Variants in PPA1 observed in about 807,000 individuals in gnomAD.
PPA1 encodes inorganic pyrophosphatase 1.
In PPA1, 23 loss-of-function variants were observed where a neutral mutation model predicts 41.8. The ratio of observed to expected loss-of-function variants is 0.55; its 90% CI spans 0.40 to 0.78. The LOEUF (loss-of-function observed/expected upper bound fraction) is 0.78, where lower values mean the gene tolerates loss of function less well. Among genes scored for constraint, PPA1 ranks in the 30% least tolerant of loss-of-function variants. The pLI is 0.00. For missense variants in PPA1, 320 were observed against 361.6 expected, an observed-to-expected ratio of 0.89 and a Z score of 0.93; for synonymous variants, 101 against 116.8, an observed-to-expected ratio of 0.86 and a Z score of 0.87.
Position 70,230,347 on chromosome 10 carries a change from T to A in PPA1, c.117A>T (p.Ala39=), listed in dbSNP as rs771003845. 4.3e-6 allele frequency: 7 copies of A among 1,613,168 alleles called. No individual in the cohort carries two copies. The highest frequency in any genetic ancestry group is 4.0e-5 in the African/African-American group (3 of 74,928). ...ISPFHDIPIY[A]DKDVFHMVVE... ...AAAAACAAGGATGCCTTACCTTATC[T>A]GCATAAATTGGAATATCATGAAATG... The change falls in exon 2 of 11, where the codon GCA becomes GCT. Residue 39 remains alanine, a synonymous_variant. Transcript: ENST00000373232.
At chr10:70,218,022 TC>T in intron 3 of PPA1, 91 bp from the exon 4 acceptor site, 1 of 1,139,560 alleles carries the variant, frequency 8.8e-7, no homozygotes, top group Non-Finnish European at 1.2e-6. Flanking sequence ...GTACCTATGT[TC>T]CCTAATTCCA....
chr10:70,226,163 T>A lies in PPA1; in HGVS notation c.123+4178A>T, dbSNP rs184810831. Among the ~76,000 whole-genome samples the A allele has an allele frequency of 9.8e-5, 15 of 152,328 alleles. No homozygotes were observed. In the East Asian group the frequency reaches 2.9e-3, roughly 29 times the overall value. On this transcript the variant is annotated intron_variant, in intron 2 of 10. Coordinates refer to ENST00000373232, the MANE Select transcript of PPA1 (RefSeq NM_021129.4). Reference sequence around the variant, plus strand: ...AAAACTTTTAGTAATACTCATTTGTTTTCCAGTTACATAGATTTTCTACTC... The same window carrying A: ...AAAACTTTTAGTAATACTCATTTGTATTCCAGTTACATAGATTTTCTACTC...
intron 6 of PPA1, among the ~76,000 whole-genome samples, chr10:70,211,505 C>A (rs1300701121): frequency 6.6e-6 from 1 of 152,078 alleles, no homozygotes; most frequent in African/African-American, 2.4e-5. Context: ...GTTCACAGAA[C>A]TCAGGAAAAC....
intron 2 of PPA1, among the ~76,000 whole-genome samples, chr10:70,224,433 G>A (rs1043273511): frequency 6.6e-6 from 1 of 152,052 alleles, no homozygotes; most frequent in Non-Finnish European, 1.5e-5. Flanking sequence ...AGGAATAGAA[G>A]AAATATCTCC....
intron 2 of PPA1, among the ~76,000 whole-genome samples, chr10:70,221,992 G>A (rs973972752): frequency 3.9e-5 from 6 of 152,106 alleles, no homozygotes; most frequent in Admixed American, 3.9e-4. Context: ...AAAATGGTAA[G>A]AGAATTCTGC....
At chr10:70,224,149 G>C (rs572041406) in intron 2 of PPA1, among the ~76,000 whole-genome samples, 1 of 144,440 alleles carries the variant, frequency 6.9e-6, no homozygotes, top group South Asian at 2.3e-4. Context: ...GGTGGCTCGT[G>C]CCTGTAAACC....
chr10:70,216,719 T>C (rs1168865131), intron 4 of PPA1, among the ~76,000 whole-genome samples: 2 of 152,186 alleles, frequency 1.3e-5, no homozygotes, highest in African/African-American at 4.8e-5. Flanking sequence ...AGCATTAAAT[T>C]TTAAGTGCCA....
chr10:70,203,225 T>C lies in PPA1; in HGVS notation c.839-39A>G, dbSNP rs376181664. ...AAAGAAAAACAAATTAGAATTCCTG[T>C]TGAGAATCAAAAATACACCTAACAT... On this transcript the variant is annotated intron_variant, in intron 10 of 10. Coordinates refer to ENST00000373232, the MANE Select transcript of PPA1 (RefSeq NM_021129.4). 31 of 1,554,218 alleles carry C rather than the reference T, an allele frequency of 2.0e-5. No homozygotes were observed. In the Middle Eastern group the frequency reaches 5.1e-4, roughly 25 times the overall value.
intron 4 of PPA1, among the ~76,000 whole-genome samples, chr10:70,216,437 A>T (rs1204940021): frequency 1.3e-5 from 2 of 152,060 alleles, no homozygotes; most frequent in Non-Finnish European, 1.5e-5. Context: ...CAGTGAGCCA[A>T]GACTGCGCCA....
intron 6 of PPA1, chr10:70,210,313 G>A: frequency 7.8e-7 from 1 of 1,277,944 alleles, no homozygotes; most frequent in Non-Finnish European, 1.1e-6. Flanking sequence ...CTGGGCTCAA[G>A]CAATCCTCCT....
In PPA1 at chr10:70,230,435, T is replaced by C; in HGVS notation, c.65-36A>G. 2.6e-6 allele frequency: 4 copies of C among 1,564,114 alleles called. No homozygotes were observed. In the South Asian group the frequency reaches 4.6e-5, roughly 18 times the overall value. The stretch of plus-strand genomic sequence containing the variant: ...AATTAGAAAAAGTTATTACTATAAT[T>C]AATTGTATTGCTAAATGCCCACAGT... On this transcript the variant is annotated intron_variant, in intron 1 of 10. Transcript: ENST00000373232.
chr10:70,206,296 C>G lies in PPA1; in HGVS notation c.763G>C (p.Asp255His), dbSNP rs1346894412. 10 of 1,613,332 alleles carry G rather than the reference C, an allele frequency of 6.2e-6. No homozygotes were observed. The highest frequency in any genetic ancestry group is 8.5e-6 in the Non-Finnish European group (10 of 1,179,532). ...ACAATGGCTCTGGCAGCATCAGGATCACACTTGAAGGGGCTCTCAGACAAA... is the reference window on the plus strand; with the variant it reads ...ACAATGGCTCTGGCAGCATCAGGATGACACTTGAAGGGGCTCTCAGACAAA... ...TTLSESPFKCDPDAARAIVDA... is the reference protein window; with the variant it reads ...TTLSESPFKCHPDAARAIVDA... The change falls in exon 9 of 11, where the codon GAT becomes CAT. Residue 255 changes from aspartate to histidine, a missense_variant. By Grantham distance (81) the Asp-to-His change is moderately conservative (BLOSUM62 -1). Transcript: ENST00000373232.
chr10:70,210,127 G>A (rs756006780), intron 6 of PPA1: 14 of 289,068 alleles, frequency 4.8e-5, no homozygotes, highest in African/African-American at 1.9e-4. Flanking sequence ...TGTCACCCAC[G>A]CTGGAATGCA....
chr10:70,226,762 C>T (rs1168329232), intron 2 of PPA1, among the ~76,000 whole-genome samples: 1 of 151,992 alleles, frequency 6.6e-6, no homozygotes, highest in Non-Finnish European at 1.5e-5. Flanking sequence ...TGGAAACTTC[C>T]CCAAGAAAAA....
intron 6 of PPA1, chr10:70,210,548 C>A (rs1394742931): frequency 1.3e-6 from 1 of 766,962 alleles, no homozygotes; most frequent in Non-Finnish European, 1.8e-6. Context: ...CAGAAAAGTG[C>A]ACTGCTTTAA....
Position 70,233,259 on chromosome 10 carries a change from C to A in PPA1, c.64+5G>T. Reference sequence around the variant, plus strand: ...GCGGAGGGGCCACGGGCCGCAGACACTCACTGAGGAAGACTCGGTACTCCA... The same window carrying A: ...GCGGAGGGGCCACGGGCCGCAGACAATCACTGAGGAAGACTCGGTACTCCA... On this transcript the variant is annotated splice_donor_5th_base_variant and intron_variant, in intron 1 of 10. Coordinates refer to ENST00000373232, the MANE Select transcript of PPA1 (RefSeq NM_021129.4). 6.5e-7 allele frequency: 1 copy of A among 1,538,088 alleles called. No individual in the cohort carries two copies. The highest frequency in any genetic ancestry group is 8.8e-7 in the Non-Finnish European group (1 of 1,142,686).
intron 4 of PPA1, among the ~76,000 whole-genome samples, chr10:70,215,417 A>G (rs1840068439): frequency 6.6e-6 from 1 of 152,016 alleles, no homozygotes; most frequent in African/African-American, 2.4e-5. Flanking sequence ...AAATTCCCAA[A>G]ACAGAAGTAG....
rs1194868757 is a variant in PPA1 at position 70,213,491 on chromosome 10, C to T, written c.483G>A (p.Val161=). 18 of 1,613,838 alleles carry T rather than the reference C, an allele frequency of 1.1e-5. No individual in the cohort carries two copies. Among genetic ancestry groups the T allele is most frequent in the African/African-American group, 1.3e-5 (1 of 74,914 alleles). The stretch of plus-strand genomic sequence containing the variant: ...TATAATTGGCTGCATCAGGATCATC[C>T]ACATTAATGGCAATGACTTTCCAGT... The part of the protein sequence containing the change: ...ETDWKVIAIN[V]DDPDAANYND... Residue 161 remains valine (V), a synonymous_variant, in exon 6 of 11, where the codon GTG becomes GTA. Coordinates refer to ENST00000373232, the MANE Select transcript of PPA1 (RefSeq NM_021129.4).
intron 8 of PPA1, among the ~76,000 whole-genome samples, chr10:70,206,701 G>A (rs867331640): frequency 6.6e-6 from 1 of 150,872 alleles, no homozygotes. Flanking sequence ...AAAATTAGCC[G>A]GGCATGGTGG....
Sources: gnomAD v4.1 joint callset for allele counts (sites outside exome capture counted in the v4.1 genomes callset) on GRCh38, gnomAD v4.1.1 for gene constraint, MANE v1.5 for transcripts, NCBI Gene and HGNC (gene_info 2026-07-23, HGNC 2026-07-21) for gene names.